TMEM259: variants seen among roughly 807,000 people sequenced by gnomAD.
TMEM259 encodes the protein transmembrane protein 259.
TMEM259 carries 26 observed loss-of-function variants against 46.7 expected under a neutral mutation model. The observed-to-expected ratio is 0.56, with a 90% CI of 0.41 to 0.77. The LOEUF (loss-of-function observed/expected upper bound fraction) is 0.77, where lower values mean the gene tolerates loss of function less well. Ranked by LOEUF, TMEM259 falls within the 30% of genes least tolerant of loss-of-function variation. TMEM259 has a pLI of 0.00. For missense variants in TMEM259, 930 were observed against 900.5 expected (o/e 1.03, Z -0.42); for synonymous variants, 494 against 395.1 (o/e 1.25, Z -2.97).
chr19:1,015,447 G>A (rs2039076690), intron 1 of TMEM259, among the ~76,000 whole-genome samples: 1 of 152,206 alleles, frequency 6.6e-6, no homozygotes, highest in Non-Finnish European at 1.5e-5. Flanking sequence ...ACAACTCAGA[G>A]TGGGGCCCCT....
rs771965595 is a variant in TMEM259, at chr19:1,011,892, G to A, written c.942C>T (p.Phe314=). ...YLAAFAIMVI[F]TLSVSMLLRY... ...CCCGCACCCGCCCCGAGGCACTCAC[G>A]AAGATGACCATGATGGCGAAGGCGG... The change falls in exon 6 of 11, where the codon TTC becomes TTT. Residue 314 remains phenylalanine, a splice_region_variant and synonymous_variant. Coordinates refer to ENST00000356663, the MANE Select transcript of TMEM259 (RefSeq NM_001033026.2). 7.3e-5 allele frequency: 116 copies of A among 1,588,288 alleles called. No individual in the cohort carries two copies. Among genetic ancestry groups the A allele is most frequent in the Middle Eastern group, 1.7e-4 (1 of 5,960 alleles).
intron 2 of TMEM259, 22 bp from the exon 3 acceptor site, chr19:1,013,362 G>A (rs1466050966): frequency 6.2e-6 from 10 of 1,612,258 alleles, no homozygotes; most frequent in Non-Finnish European, 8.5e-6. Flanking sequence ...CAGGGACCTG[G>A]GTGTCAGCAG....
chr19:1,020,954 T>A lies in TMEM259; in HGVS notation c.43A>T (p.Asn15Tyr). Residue 15 changes from asparagine to tyrosine, a missense_variant, in exon 1 of 11, where the codon AAC (asparagine) becomes TAC (tyrosine). By Grantham distance (143) the Asn-to-Tyr change is moderately radical. Transcript: ENST00000356663. This position sits in a 1 kb window ranked among gnomAD's most constrained non-coding sequence, Gnocchi z 4.0. ...VEPAAPGPGP[N>Y]GGGGGPAPAR... The stretch of plus-strand genomic sequence containing the variant: ...GGGGCCGGGCCGCCGCCGCCGCCGT[T>A]GGGCCCGGGCCCCGGAGCTGCGGGC... 1 of 1,265,652 alleles carries A rather than the reference T, an allele frequency of 7.9e-7. No individual in the cohort carries two copies. Among genetic ancestry groups the A allele is most frequent in the Non-Finnish European group, 1.0e-6 (1 of 1,004,360 alleles). 78.4% of individuals were successfully genotyped at this position (1,265,652 alleles called of 1,614,324 possible).
chr19:1,016,606 G>T (rs574023216), intron 1 of TMEM259, among the ~76,000 whole-genome samples: 2 of 152,220 alleles, frequency 1.3e-5, no homozygotes, highest in African/African-American at 4.8e-5. Flanking sequence ...CACAAGGGAC[G>T]CACGGCTGTT....
At position 1,010,080 on chromosome 19, in the gene TMEM259, T is replaced by C; in HGVS notation, c.*270A>G. ...TCCTCAGGACGGTTCACTGCAGACC[T>C]ACCAAGACCCCTCCAGAACCTTCCG... On this transcript the variant is annotated 3_prime_UTR_variant, in exon 11 of 11. Transcript: ENST00000356663. The C allele has an allele frequency of 2.2e-6, 1 of 455,036 alleles. No homozygotes were observed. Among genetic ancestry groups the C allele is most frequent in the South Asian group, 4.0e-5 (1 of 25,316 alleles). 28.2% of individuals were successfully genotyped at this position (455,036 alleles called of 1,614,324 possible).
chr19:1,011,295 G>A (rs111954303), intron 9 of TMEM259, 72 bp downstream of exon 9: 22 of 1,538,760 alleles, frequency 1.4e-5, no homozygotes, highest in East Asian at 2.4e-5. Flanking sequence ...CGCCTCCAGC[G>A]CCCCTCCCTC....
At position 1,014,335 on chromosome 19, in the gene TMEM259, C is replaced by A. The variant is rs137931484; in HGVS notation, c.364G>T (p.Ala122Ser). ...RVEVRHNSSR[A>S]PVFLQFCDSG... Reference sequence around the variant, plus strand: ...TCACAGAACTGTAGGAAGACGGGCGCGCGGCTCGAGTTGTGCCGCACTTCC... The same window carrying A: ...TCACAGAACTGTAGGAAGACGGGCGAGCGGCTCGAGTTGTGCCGCACTTCC... The change falls in exon 2 of 11, where the codon GCG (alanine) becomes TCG (serine). Residue 122 changes from alanine (A) to serine (S), a missense_variant. Ala to Ser is a moderately conservative substitution (Grantham distance 99). Coordinates refer to ENST00000356663, the MANE Select transcript of TMEM259 (RefSeq NM_001033026.2). 2 of 1,612,906 alleles carry A rather than the reference C, an allele frequency of 1.2e-6. No individual in the cohort carries two copies. Among genetic ancestry groups the A allele is most frequent in the South Asian group, 2.2e-5 (2 of 91,086 alleles).
In TMEM259 at chr19:1,020,610, G is replaced by A. The variant is rs970930979; in HGVS notation, c.225+162C>T. On this transcript the variant is annotated intron_variant, in intron 1 of 10. Coordinates refer to ENST00000356663, the MANE Select transcript of TMEM259 (RefSeq NM_001033026.2). This position sits in a 1 kb window ranked among gnomAD's most constrained non-coding sequence, Gnocchi z 4.0. ...TCCCTGGCCAATCCCAGGGTCAGAG[G>A]TCGCGAGGGAGAGCCCTAATCGGTA... Among the ~76,000 whole-genome samples the A allele has an allele frequency of 6.6e-6, 1 of 152,132 alleles. No individual in the cohort carries two copies. The highest frequency in any genetic ancestry group is 1.5e-5 in the Non-Finnish European group (1 of 68,010).
chr19:1,012,579 G>T lies in TMEM259; in HGVS notation c.608-6C>A. On this transcript the variant is annotated splice_region_variant and splice_polypyrimidine_tract_variant and intron_variant, in intron 3 of 10. Coordinates refer to ENST00000356663, the MANE Select transcript of TMEM259 (RefSeq NM_001033026.2). ...GTACTCGTCCTGCGGCCACACTGCA[G>T]GGCAGAACCAGGGACCAGGTCAGCG... The T allele has an allele frequency of 6.4e-7, 1 of 1,571,928 alleles. No homozygotes were observed. The highest frequency in any genetic ancestry group is 8.6e-7 in the Non-Finnish European group (1 of 1,159,400).
At chr19:1,018,308 C>CTG (rs2039176444) in intron 1 of TMEM259, among the ~76,000 whole-genome samples, 2 of 152,226 alleles carry the variant, frequency 1.3e-5, no homozygotes, top group African/African-American at 2.4e-5. Flanking sequence ...CACTGCCTGG[C>CTG]ATTTCCTAAA....
chr19:1,020,550 G>A lies in TMEM259; in HGVS notation c.225+222C>T, dbSNP rs964225872. Among the ~76,000 whole-genome samples, 1 of 152,116 alleles carries A rather than the reference G, an allele frequency of 6.6e-6. No individual in the cohort carries two copies. The highest frequency in any genetic ancestry group is 6.5e-5 in the Admixed American group (1 of 15,278). ...CAGCGGGATCCGGCCTTCCCGGGTG[G>A]ACGTCCCCGGGCGGGATGGGGTCAC... is the stretch of plus-strand genomic sequence containing the variant. On this transcript the variant is annotated intron_variant, in intron 1 of 10. Coordinates refer to ENST00000356663, the MANE Select transcript of TMEM259 (RefSeq NM_001033026.2). The surrounding 1 kb of genome is among the most constrained non-coding windows in gnomAD (Gnocchi z 4.0).
chr19:1,011,855 G>A lies in TMEM259; in HGVS notation c.942+37C>T, dbSNP rs760146161. On this transcript the variant is annotated intron_variant, in intron 6 of 10. Transcript: ENST00000356663. ...GGCTGCGAGGGCCTGCTTGGCTCCC[G>A]CCCGGCCAGCCCCCGCACCCGCCCC... is the stretch of plus-strand genomic sequence containing the variant. 9 of 1,536,418 alleles carry A rather than the reference G, an allele frequency of 5.9e-6. No homozygotes were observed. The African/African-American group carries it at 6.8e-5, about 12-fold the overall frequency.
chr19:1,010,309 G>A lies in TMEM259; in HGVS notation c.*41C>T. 2 of 1,426,832 alleles carry A rather than the reference G, an allele frequency of 1.4e-6. No homozygotes were observed. Among genetic ancestry groups the A allele is most frequent in the Non-Finnish European group, 1.8e-6 (2 of 1,098,208 alleles). 88.4% of individuals were successfully genotyped at this position (1,426,832 alleles called of 1,614,324 possible). A position where few individuals can be genotyped will look rare whatever the true frequency, so the allele number is the denominator to read the frequency against. On this transcript the variant is annotated 3_prime_UTR_variant, in exon 11 of 11. Transcript: ENST00000356663. ...CACCCCCACGGGCTCGGGAAGGTCA[G>A]GCCCAGCCAGCAGGGGTCAGAGGCG... is the stretch of plus-strand genomic sequence containing the variant.
In TMEM259 at chr19:1,012,559, C is replaced by A; in HGVS notation, c.622G>T (p.Glu208Ter). The A allele has an allele frequency of 6.3e-7, 1 of 1,586,546 alleles. No individual in the cohort carries two copies. The stretch of plus-strand genomic sequence containing the variant: ...TCTAGTGAGTACTCCACGATGTACT[C>A]GTCCTGCGGCCACACTGCAGGGCAG... ...ETPTKVWPQD[E>*]YIVEYSLEYG... is the part of the protein sequence containing the mutation. Residue 208 changes from glutamate to a stop codon, truncating the protein, a stop_gained, in exon 4 of 11, where the codon GAG becomes TAG. Coordinates refer to ENST00000356663, the MANE Select transcript of TMEM259 (RefSeq NM_001033026.2). LOFTEE classifies it high-confidence loss of function.
chr19:1,010,287 C>T lies in TMEM259; in HGVS notation c.*63G>A. On this transcript the variant is annotated 3_prime_UTR_variant, in exon 11 of 11. Transcript: ENST00000356663. ...GAAGGAGGTGGCTGGCCTCCCCCAC[C>T]CCCACGGGCTCGGGAAGGTCAGGCC... 1 of 1,367,532 alleles carries T rather than the reference C, an allele frequency of 7.3e-7. No homozygotes were observed. The highest frequency in any genetic ancestry group is 9.5e-7 in the Non-Finnish European group (1 of 1,055,242). The allele number at this position is 1,367,532 out of a possible 1,614,324, so 84.7% of individuals were successfully genotyped here. A position where few individuals can be genotyped will look rare whatever the true frequency, so the allele number is the denominator to read the frequency against.
rs2038870226 is a variant in TMEM259, at chr19:1,010,540, C to T, written c.1673G>A (p.Ser558Asn). The change falls in exon 11 of 11, where the codon AGC becomes AAC. Residue 558 changes from serine to asparagine, a missense_variant. By Grantham distance (46) the Ser-to-Asn change is conservative. Transcript: ENST00000356663. ...TGGACGCCGCTCCAGGAGGGAGGCG[C>T]TCAGGCCGGACAGGAAGGAGGCGTC... ...ITDASFLSGL[S>N]ASLLERRPAS... The T allele has an allele frequency of 3.2e-6, 5 of 1,548,376 alleles. No individual in the cohort carries two copies. Among genetic ancestry groups the T allele is most frequent in the Non-Finnish European group, 4.4e-6 (5 of 1,146,882 alleles).
Position 1,011,459 on chromosome 19 carries a change from G to A in TMEM259, c.1125C>T (p.Thr375=), listed in dbSNP as rs1157410659. 1 of 1,558,984 alleles carries A rather than the reference G, an allele frequency of 6.4e-7. No individual in the cohort carries two copies. The highest frequency in any genetic ancestry group is 1.2e-5 in the South Asian group (1 of 84,986). ...AIMSEFFNDT[T]TAFYIILIVW... is the part of the protein sequence containing the mutation. ...CGATGAGGATGATGTAGAAGGCGGT[G>A]GTGGTGTCGTTGAAGAACTCCGACA... The change falls in exon 9 of 11, where the codon ACC becomes ACT. Residue 375 remains threonine, a synonymous_variant. Coordinates refer to ENST00000356663, the MANE Select transcript of TMEM259 (RefSeq NM_001033026.2).
In TMEM259 at chr19:1,010,480, T is replaced by A; in HGVS notation, c.1733A>T (p.His578Leu). The change falls in exon 11 of 11, where the codon CAC (histidine) becomes CTC (leucine). Residue 578 changes from histidine (H) to leucine (L), a missense_variant. Transcript: ENST00000356663. ...SPLGPAGGLPHAPQDSVPPSD... is the reference protein window; with the variant it reads ...SPLGPAGGLPLAPQDSVPPSD... The stretch of plus-strand genomic sequence containing the variant: ...CGGGGGGACACTGTCCTGGGGGGCG[T>A]GGGGGAGGCCCCCAGCAGGGCCCAG... The A allele has an allele frequency of 4.5e-6, 7 of 1,545,556 alleles. No homozygotes were observed. The highest frequency in any genetic ancestry group is 6.1e-6 in the Non-Finnish European group (7 of 1,145,464).
Position 1,010,769 on chromosome 19 carries a change from T to C in TMEM259, c.1444A>G (p.Met482Val). The C allele has an allele frequency of 2.6e-6, 4 of 1,549,360 alleles. No homozygotes were observed. Among genetic ancestry groups the C allele is most frequent in the Non-Finnish European group, 3.5e-6 (4 of 1,155,752 alleles). ...GCCGGGGCGCCCGAGTTGTTGTTCA[T>C]GTCATCGGGCAGCGCCGTGGGGGTC... Reference protein sequence around the residue: ...PGTPTALPDDMNNNSGAPATA... With the variant: ...PGTPTALPDDVNNNSGAPATA... Residue 482 changes from methionine (M) to valine (V), a missense_variant, in exon 11 of 11, where the codon ATG (methionine) becomes GTG (valine). Coordinates refer to ENST00000356663, the MANE Select transcript of TMEM259 (RefSeq NM_001033026.2).
Sources: allele counts gnomAD v4.1 joint callset (sites outside exome capture counted in the v4.1 genomes callset), GRCh38; gene constraint gnomAD v4.1.1; non-coding constraint Gnocchi (gnomAD v3.1); transcripts MANE v1.5; gene names NCBI Gene and HGNC (gene_info 2026-07-23, HGNC 2026-07-21).